The following PSG9 variants were observed in gnomAD, a reference collection of about 807,000 sequenced individuals.
PSG9 encodes pregnancy-specific beta-1-glycoprotein 9.
In PSG9, 49 loss-of-function variants were observed where a neutral mutation model predicts 41.9. The ratio of observed to expected loss-of-function variants is 1.17; its 90% CI spans 0.93 to 1.48. PSG9 has a LOEUF of 1.48. Among genes scored for constraint, PSG9 ranks in the 40% most tolerant of loss-of-function variants. The pLI, the probability that PSG9 is intolerant of heterozygous loss-of-function variation, is 0.00. For synonymous variants in PSG9, 263 were observed against 196.8 expected, an observed-to-expected ratio of 1.34 and a Z score of -2.82; for missense variants, 641 against 520.3, an observed-to-expected ratio of 1.23 and a Z score of -2.26.
rs945770940 is a variant in PSG9, at chr19:43,264,413, T to C, written c.431-2275A>G. ...AAGCTAGGGATTCTTTCCTCAGCTG[T>C]GTGCAGTCTACCAGTAAGCATCAAA... On this transcript the variant is annotated intron_variant, in intron 2 of 5. Transcript: ENST00000270077. Among the ~76,000 whole-genome samples the C allele has an allele frequency of 3.7e-4, 56 of 152,122 alleles. 1 individual carries two copies. The highest frequency in any genetic ancestry group is 2.1e-4 in the South Asian group (1 of 4,818).
intron 2 of PSG9, among the ~76,000 whole-genome samples, chr19:43,263,558 T>A (rs1198381751): frequency 6.6e-6 from 1 of 151,676 alleles, no homozygotes; most frequent in African/African-American, 2.4e-5. Context: ...TTGTCAGGAG[T>A]TTAGACCTCA....
intron 5 of PSG9, chr19:43,257,974 C>T: frequency 6.8e-7 from 1 of 1,462,892 alleles, no homozygotes; most frequent in Non-Finnish European, 9.0e-7. Flanking sequence ...TGATAAAGCC[C>T]CCTCCCTACC....
In PSG9 at chr19:43,261,984, C is replaced by G. The variant is rs767115725; in HGVS notation, c.585G>C (p.Leu195=). 4 of 1,614,026 alleles carry G rather than the reference C, an allele frequency of 2.5e-6. No homozygotes were observed. The highest frequency in any genetic ancestry group is 3.4e-6 in the Non-Finnish European group (4 of 1,179,934). ...GATAGAGGGTCCTGTTGGTTTTGGA[C>G]AGCTGCAACCTGTGAGTCACAGGGA... ...QSLPVTHRLQ[L]SKTNRTLYLF... Residue 195 remains leucine, a synonymous_variant, in exon 3 of 6, where the codon CTG becomes CTC. Coordinates refer to ENST00000270077, the MANE Select transcript of PSG9 (RefSeq NM_002784.5).
intron 5 of PSG9, chr19:43,257,294 A>G (rs1195868073): frequency 1.2e-6 from 1 of 843,670 alleles, no homozygotes; most frequent in Non-Finnish European, 1.4e-6. Flanking sequence ...ACACAACACT[A>G]AATTGCACAC....
chr19:43,256,217 C>G (rs997088526), intron 5 of PSG9, among the ~76,000 whole-genome samples: 1 of 146,282 alleles, frequency 6.8e-6, no homozygotes, highest in Non-Finnish European at 1.5e-5. Flanking sequence ...CACAATAGAT[C>G]AAAGATCTAA....
rs1480437123 is a variant in PSG9, at chr19:43,259,003, G to A, written c.842C>T (p.Pro281Leu). The change falls in exon 4 of 6, where the codon CCC becomes CTC. Residue 281 changes from proline (P) to leucine (L), a missense_variant. By Grantham distance (98) the Pro-to-Leu change is moderately conservative. Transcript: ENST00000270077. ...GGGTCGCTTTACCCCGGGACTGACGGGGAGGCTCTGACCGTTTAGCCACCA... is the reference window on the plus strand; with the variant it reads ...GGGTCGCTTTACCCCGGGACTGACGAGGAGGCTCTGACCGTTTAGCCACCA... The part of the protein sequence containing the change: ...YIWWLNGQSL[P>L]VSPGVKRPIE... 16 of 1,590,508 alleles carry A rather than the reference G, an allele frequency of 1.0e-5. 5 individuals are homozygous for A. In the East Asian group the frequency reaches 3.7e-4, roughly 37 times the overall value.
chr19:43,263,244 G>A (rs578139455), intron 2 of PSG9, among the ~76,000 whole-genome samples: 5 of 151,260 alleles, frequency 3.3e-5, no homozygotes, highest in African/African-American at 9.9e-5. Context: ...TGCAGGATGA[G>A]GAGGTTCTAG....
chr19:43,264,209 T>C (rs1968859221), intron 2 of PSG9, among the ~76,000 whole-genome samples: 1 of 152,102 alleles, frequency 6.6e-6, no homozygotes, highest in African/African-American at 2.4e-5. Flanking sequence ...AAACCACCAG[T>C]ATTCCCATTA....
intron 5 of PSG9, among the ~76,000 whole-genome samples, chr19:43,254,773 A>G (rs1968384258): frequency 6.9e-6 from 1 of 145,964 alleles, no homozygotes; most frequent in Admixed American, 6.8e-5. Flanking sequence ...AAAAGAGAAA[A>G]GTTTAAAATT....
In PSG9 at chr19:43,262,157, G is replaced by C. The variant is rs370474941; in HGVS notation, c.431-19C>G. 5.3e-5 allele frequency: 85 copies of C among 1,607,316 alleles called. 1 individual carries two copies. Among genetic ancestry groups the C allele is most frequent in the Non-Finnish European group, 6.9e-5 (81 of 1,175,752 alleles). On this transcript the variant is annotated intron_variant, in intron 2 of 5. Transcript: ENST00000270077. ...GTCTCCACTGTGCAGAAAACAGAGA[G>C]AAGATTGCCCTGTGTGGCACCTTTG...
chr19:43,254,796 A>G (rs1968384824), intron 5 of PSG9, among the ~76,000 whole-genome samples: 1 of 146,040 alleles, frequency 6.8e-6, no homozygotes, highest in African/African-American at 2.6e-5. Flanking sequence ...TCAAATCAGA[A>G]ATGAAAATGG....
chr19:43,258,065 G>A lies in PSG9; in HGVS notation c.1243+137C>T, dbSNP rs767558493. 7 of 1,587,036 alleles carry A rather than the reference G, an allele frequency of 4.4e-6. No individual in the cohort carries two copies. In the South Asian group the frequency reaches 5.6e-5, roughly 13 times the overall value. Reference sequence around the variant, plus strand: ...GAGTCTGTAGAGACAAATTGGGAGGGTTCAGGAGGAGAATTTGGGATTTGC... The same window carrying A: ...GAGTCTGTAGAGACAAATTGGGAGGATTCAGGAGGAGAATTTGGGATTTGC... On this transcript the variant is annotated intron_variant, in intron 5 of 5. Transcript: ENST00000270077.
intron 3 of PSG9, chr19:43,259,784 G>C (rs781012546): frequency 2.0e-5 from 3 of 150,014 alleles, no homozygotes; most frequent in African/African-American, 5.2e-5. Flanking sequence ...TCTAAACATA[G>C]AGCAGAGTGC....
At chr19:43,259,285 T>A (rs943670432) in intron 3 of PSG9, 150 bp from the exon 4 acceptor site, 3 of 1,335,884 alleles carry the variant, frequency 2.2e-6, no homozygotes, top group Non-Finnish European at 3.0e-6. Context: ...GACAGATGCA[T>A]GATGATCTAA....
intron 3 of PSG9, chr19:43,260,341 CA>C (rs1411526809): frequency 2.0e-5 from 3 of 146,726 alleles, no homozygotes; most frequent in Non-Finnish European, 4.4e-5. Flanking sequence ...GGATTTCTGA[CA>C]TTTTTTTATT....
In PSG9 at chr19:43,257,638, A is replaced by C. The variant is rs1286069649; in HGVS notation, c.1243+564T>G. 3 of 1,015,862 alleles carry C rather than the reference A, an allele frequency of 3.0e-6. 1 individual carries two copies. The East Asian group carries it at 3.4e-4, about 116-fold the overall frequency. The allele number at this position is 1,015,862 out of a possible 1,614,324, so 62.9% of individuals were successfully genotyped here. A position where few individuals can be genotyped will look rare whatever the true frequency, so the allele number is the denominator to read the frequency against. On this transcript the variant is annotated intron_variant, in intron 5 of 5. Coordinates refer to ENST00000270077, the MANE Select transcript of PSG9 (RefSeq NM_002784.5). ...AGCTCAATTTAGCCAAATTCAGGAC[A>C]GGCCACCAGGGCCCTTTCTACACAC...
In PSG9 at chr19:43,268,027, G is replaced by T. The variant is rs199801844; in HGVS notation, c.187C>A (p.Pro63Thr). 6 of 1,613,754 alleles carry T rather than the reference G, an allele frequency of 3.7e-6. No homozygotes were observed. Among genetic ancestry groups the T allele is most frequent in the African/African-American group, 1.3e-5 (1 of 74,818 alleles). The change falls in exon 2 of 6, where the codon CCT becomes ACT. Residue 63 changes from proline to threonine, a missense_variant. Coordinates refer to ENST00000270077, the MANE Select transcript of PSG9 (RefSeq NM_002784.5). ...LLVHNLPQNLPGYFWYKGEMT... is the reference protein window; with the variant it reads ...LLVHNLPQNLTGYFWYKGEMT... The stretch of plus-strand genomic sequence containing the variant: ...TCCCCTTTGTACCAGAAGTAGCCAG[G>T]AAGATTCTGGGGCAAATTGTGGACA...
At chr19:43,266,915 C>G (rs559001570) in intron 2 of PSG9, among the ~76,000 whole-genome samples, 5 of 152,268 alleles carry the variant, frequency 3.3e-5, no homozygotes, top group Non-Finnish European at 7.4e-5. Flanking sequence ...TGGACTGTGG[C>G]TTTTCATGCT....
chr19:43,253,833 A>G (rs529856345), intron 5 of PSG9, among the ~76,000 whole-genome samples, 187 bp from the exon 6 acceptor site: 2 of 146,558 alleles, frequency 1.4e-5, no homozygotes, highest in South Asian at 4.3e-4. Flanking sequence ...TTAGAACTGC[A>G]TTGGTACCTA....
Sources: allele counts gnomAD v4.1 joint callset (sites outside exome capture counted in the v4.1 genomes callset), GRCh38; gene constraint gnomAD v4.1.1; transcripts MANE v1.5; gene names NCBI Gene and HGNC (gene_info 2026-07-23, HGNC 2026-07-21).